Variants in IQCM observed in about 807,000 individuals in gnomAD.
IQCM encodes the protein IQ domain-containing protein M.
Under a neutral mutation model 57.6 loss-of-function variants are expected in IQCM, and 45 were observed. That is an observed-to-expected ratio of 0.78 (90% CI 0.62 to 1.00). The LOEUF (loss-of-function observed/expected upper bound fraction) is 1.00, where lower values mean the gene tolerates loss of function less well. Ranked by LOEUF, IQCM falls within the 50% of genes least tolerant of loss-of-function variation. IQCM has a pLI of 0.00. For missense variants in IQCM, 468 were observed against 511.6 expected (o/e 0.91, Z 0.82); for synonymous variants, 148 against 158.9 (o/e 0.93, Z 0.51).
intron 2 of IQCM, among the ~76,000 whole-genome samples, chr4:149,745,260 G>C (rs976584186): frequency 6.6e-6 from 1 of 152,212 alleles, no homozygotes; most frequent in African/African-American, 2.4e-5. Context: ...TACATTTTAT[G>C]CTGCTGAAAT....
intron 12 of IQCM, among the ~76,000 whole-genome samples, chr4:149,442,011 G>T (rs1226515307): frequency 6.6e-6 from 1 of 152,056 alleles, no homozygotes; most frequent in Non-Finnish European, 1.5e-5. Flanking sequence ...GGACTTTCCA[G>T]CCTCCATAAT....
In IQCM at chr4:149,652,157, T is replaced by C. The variant is rs148051413; in HGVS notation, c.565+29961A>G. Among the ~76,000 whole-genome samples the C allele has an allele frequency of 3.9e-5, 6 of 152,260 alleles. No individual in the cohort carries two copies. The East Asian group carries it at 1.2e-3, about 29-fold the overall frequency. On this transcript the variant is annotated intron_variant, in intron 7 of 13. Transcript: ENST00000636793. ...TGAGTTCATGTCCTCTGTAGGGACA[T>C]GGATGAAGCTCAAAACCATCAACTG...
intron 2 of IQCM, among the ~76,000 whole-genome samples, chr4:149,788,692 T>C (rs746851915): frequency 6.6e-6 from 1 of 152,198 alleles, no homozygotes; most frequent in Non-Finnish European, 1.5e-5. Context: ...AATACATGCA[T>C]CCCCATGTTT....
intron 12 of IQCM, among the ~76,000 whole-genome samples, chr4:149,548,058 T>A (rs891278938): frequency 3.3e-5 from 5 of 152,196 alleles, no homozygotes; most frequent in Non-Finnish European, 7.4e-5. Context: ...CATTTTAACT[T>A]GACCGTGTTC....
intron 13 of IQCM, among the ~76,000 whole-genome samples, chr4:149,389,744 T>C (rs1319345643): frequency 6.7e-6 from 1 of 149,488 alleles, no homozygotes; most frequent in Non-Finnish European, 1.5e-5. Context: ...CACTGGGAGA[T>C]ATACCTAATG....
At chr4:149,723,923 T>G (rs930826573) in intron 5 of IQCM, among the ~76,000 whole-genome samples, 6 of 151,938 alleles carry the variant, frequency 3.9e-5, no homozygotes, top group African/African-American at 1.4e-4. Context: ...CTGTGCTTTT[T>G]TTTTTCCTTC....
chr4:149,741,481 C>T (rs1429870576), intron 3 of IQCM, among the ~76,000 whole-genome samples: 2 of 152,130 alleles, frequency 1.3e-5, no homozygotes, highest in African/African-American at 4.8e-5. Context: ...AATATTCCTC[C>T]TCCACTTCCT....
At chr4:149,668,946 TATC>T (rs1458219540) in intron 7 of IQCM, among the ~76,000 whole-genome samples, 2 of 152,154 alleles carry the variant, frequency 1.3e-5, no homozygotes, top group Non-Finnish European at 2.9e-5. Flanking sequence ...AAATAATCAA[TATC>T]AAGAATAAAG....
chr4:149,354,740 C>T (rs999828562), intron 13 of IQCM, among the ~76,000 whole-genome samples: 2 of 152,162 alleles, frequency 1.3e-5, no homozygotes, highest in Admixed American at 6.6e-5. Flanking sequence ...CTTAGTTTCC[C>T]TACTTTTGAA....
rs1187998659 is a variant in IQCM at position 149,502,140 on chromosome 4, T to TTA, written c.1228+46313_1228+46314dup. ...TCATTCAATGAATAATTTTTTATAA[T>TTA]TATATATATATACACACACACACAC... is the stretch of plus-strand genomic sequence containing the variant. On this transcript the variant is annotated intron_variant, in intron 12 of 13. Transcript: ENST00000636793. Among the ~76,000 whole-genome samples, 1,294 of 150,422 alleles carry TTA rather than the reference T, an allele frequency of 8.6e-3. 19 individuals are homozygous for TTA. Among genetic ancestry groups the TTA allele is most frequent in the African/African-American group, 0.027 (1,094 of 41,210 alleles).
intron 9 of IQCM, among the ~76,000 whole-genome samples, chr4:149,581,487 G>A (rs947829018): frequency 2.0e-5 from 3 of 151,426 alleles, no homozygotes; most frequent in Non-Finnish European, 3.0e-5. Context: ...AAGAGAGAAA[G>A]AAAGAGGTAG....
intron 13 of IQCM, among the ~76,000 whole-genome samples, chr4:149,403,365 TC>T (rs1226577125): frequency 6.6e-6 from 1 of 152,042 alleles, no homozygotes; most frequent in Non-Finnish European, 1.5e-5. Context: ...CAAACATTTT[TC>T]AAAACAGTAA....
chr4:149,389,257 A>G (rs1731668437), intron 13 of IQCM, among the ~76,000 whole-genome samples: 1 of 152,020 alleles, frequency 6.6e-6, no homozygotes, highest in East Asian at 1.9e-4. Context: ...TTCTTCTCCT[A>G]CCAATTTTTG....
At chr4:149,375,952 A>G (rs1471449977) in intron 13 of IQCM, among the ~76,000 whole-genome samples, 2 of 152,200 alleles carry the variant, frequency 1.3e-5, no homozygotes, top group East Asian at 3.8e-4. Context: ...AAATCATGGA[A>G]GAATTACACA....
At chr4:149,531,422 C>T (rs946348387) in intron 12 of IQCM, among the ~76,000 whole-genome samples, 3 of 152,148 alleles carry the variant, frequency 2.0e-5, no homozygotes, top group Admixed American at 6.6e-5. Flanking sequence ...GTAACCCTCA[C>T]TCATTGTTTG....
At chr4:149,390,742 A>G (rs1731792705) in intron 13 of IQCM, among the ~76,000 whole-genome samples, 1 of 151,944 alleles carries the variant, frequency 6.6e-6, no homozygotes, top group Non-Finnish European at 1.5e-5. Context: ...AGTTAAATCA[A>G]TCTTGTTTCA....
intron 11 of IQCM, among the ~76,000 whole-genome samples, chr4:149,551,910 CT>C (rs1749073573): frequency 6.6e-6 from 1 of 152,020 alleles, no homozygotes; most frequent in Admixed American, 6.6e-5. Context: ...TTTTCTCATT[CT>C]TTCTTCTTCC....
At chr4:149,393,989 A>G (rs564619635) in intron 13 of IQCM, among the ~76,000 whole-genome samples, 3 of 152,128 alleles carry the variant, frequency 2.0e-5, no homozygotes, top group Admixed American at 6.6e-5. Flanking sequence ...TGGATCTAAA[A>G]ACACTGAACA....
At chr4:149,577,806 C>T (rs974740748) in intron 9 of IQCM, among the ~76,000 whole-genome samples, 9 of 151,844 alleles carry the variant, frequency 5.9e-5, no homozygotes, top group Non-Finnish European at 1.2e-4. Context: ...TAAATCTGTA[C>T]ATTGCTTCGG....
Sources: allele counts gnomAD v4.1 joint callset (sites outside exome capture counted in the v4.1 genomes callset), GRCh38; gene constraint gnomAD v4.1.1; transcripts MANE v1.5; gene names NCBI Gene and HGNC (gene_info 2026-07-23, HGNC 2026-07-21).